RPN2: variants seen among roughly 807,000 people sequenced by gnomAD.
The protein encoded by RPN2 is dolichyl-diphosphooligosaccharide--protein glycosyltransferase subunit 2.
RPN2 carries 29 observed loss-of-function variants against 71.4 expected under a neutral mutation model. The ratio of observed to expected loss-of-function variants is 0.41; its 90% confidence interval spans 0.30 to 0.55. The LOEUF (loss-of-function observed/expected upper bound fraction) is 0.55, where lower values mean the gene tolerates loss of function less well. RPN2 is among the 20% of genes least tolerant of loss of function. RPN2 has a pLI of 0.35. For synonymous variants in RPN2, 308 were observed against 305.0 expected (o/e 1.01, Z -0.10); for missense variants, 726 against 774.1 (o/e 0.94, Z 0.74).
intron 2 of RPN2, among the ~76,000 whole-genome samples, chr20:37,187,048 T>A (rs1417553487): frequency 1.3e-5 from 2 of 152,256 alleles, no homozygotes; most frequent in Non-Finnish European, 2.9e-5. Flanking sequence ...TCACTTTTAG[T>A]GATGATGAAG....
intron 1 of RPN2, among the ~76,000 whole-genome samples, chr20:37,181,263 ACGGTGGTAT>A (rs2066868735): frequency 6.6e-6 from 1 of 151,420 alleles, no homozygotes; most frequent in South Asian, 2.1e-4. Flanking sequence ...GGCTTCCACT[ACGGTGGTAT>A]ACAAGGCCCT....
chr20:37,238,279 T>C, intron 16 of RPN2: 1 of 785,974 alleles, frequency 1.3e-6, no homozygotes, highest in Non-Finnish European at 2.2e-6. Context: ...TAGAATGAAC[T>C]CTACCCTGGA....
At chr20:37,222,998 T>G (rs878895774) in intron 9 of RPN2, among the ~76,000 whole-genome samples, 1 of 152,230 alleles carries the variant, frequency 6.6e-6, no homozygotes, top group Admixed American at 6.5e-5. Flanking sequence ...TGAGGGTTTA[T>G]TTTTTCCCCA....
At chr20:37,205,236 C>T (rs1278787998) in intron 6 of RPN2, among the ~76,000 whole-genome samples, 1 of 151,896 alleles carries the variant, frequency 6.6e-6, no homozygotes, top group Admixed American at 6.6e-5. Flanking sequence ...GAATGCTTTC[C>T]ACTCTGGTGG....
At chr20:37,224,026 T>C (rs2068020646) in intron 10 of RPN2, 57 bp downstream of exon 10, 19 of 1,452,322 alleles carry the variant, frequency 1.3e-5, no homozygotes, top group Non-Finnish European at 1.7e-5. Flanking sequence ...CTGAGAGGAG[T>C]ATGCCTAGGC....
In RPN2 at chr20:37,217,301, C is replaced by A. The variant is rs6104107; in HGVS notation, c.1092+3436C>A. On this transcript the variant is annotated intron_variant, in intron 9 of 16. Transcript: ENST00000237530. ...TATTATTATTATTATTATTATTATT[C>A]TTTTTTTTTTGAAACAGAGTCTCGC... Among the ~76,000 whole-genome samples, 930 of 130,782 alleles carry A rather than the reference C, an allele frequency of 7.1e-3. 8 individuals carry two copies. The highest frequency in any genetic ancestry group is 0.025 in the African/African-American group (863 of 34,406). The allele number at this position is 130,782 out of a possible 152,430, so 85.8% of individuals were successfully genotyped here.
In RPN2 at chr20:37,213,775, A is replaced by C; in HGVS notation, c.1002A>C (p.Leu334=). ...TTCTTAACAGGGATGTTTTTGAACT[A>C]AATTTCATGAACGTCAAATTTTCCA... ...SFTPVGDVFE[L]NFMNVKFSSG... is the part of the protein sequence containing the mutation. The change falls in exon 9 of 17, where the codon CTA becomes CTC. Residue 334 remains leucine, a synonymous_variant. Coordinates refer to ENST00000237530, the MANE Select transcript of RPN2 (RefSeq NM_002951.5). 6.2e-7 allele frequency: 1 copy of C among 1,613,872 alleles called. No individual in the cohort carries two copies. Among genetic ancestry groups the C allele is most frequent in the Admixed American group, 1.7e-5 (1 of 60,024 alleles).
chr20:37,206,149 T>C (rs528127019), intron 6 of RPN2, among the ~76,000 whole-genome samples: 41 of 152,370 alleles, frequency 2.7e-4, no homozygotes, highest in African/African-American at 9.6e-4. Flanking sequence ...GGGGAAAATG[T>C]TTCCTCCTAA....
At chr20:37,226,467 T>C (rs750606721) in intron 11 of RPN2, among the ~76,000 whole-genome samples, 12 of 152,152 alleles carry the variant, frequency 7.9e-5, no homozygotes, top group Admixed American at 3.3e-4. Flanking sequence ...GGAGGATCAC[T>C]TGAGCCCAGG....
At chr20:37,230,845 G>A (rs1477144848) in intron 13 of RPN2, among the ~76,000 whole-genome samples, 4 of 152,044 alleles carry the variant, frequency 2.6e-5, no homozygotes, top group Non-Finnish European at 5.9e-5. Flanking sequence ...ACTGGTAGGT[G>A]TAATTGTGAT....
chr20:37,198,486 A>G lies in RPN2; in HGVS notation c.297A>G (p.Gly99=). Residue 99 remains glycine (G), a synonymous_variant, in exon 3 of 17, where the codon GGA becomes GGG. Transcript: ENST00000237530. The stretch of plus-strand genomic sequence containing the variant: ...CCCAGGCCAGCCAGGCCCTCTCAGG[A>G]TGTGAGGTGAGTCCGGGTTCCTACG... ...YAAQASQALS[G]CEISISNETK... is the part of the protein sequence containing the mutation. The G allele has an allele frequency of 6.2e-7, 1 of 1,614,124 alleles. No homozygotes were observed. Among genetic ancestry groups the G allele is most frequent in the Non-Finnish European group, 8.5e-7 (1 of 1,180,020 alleles).
chr20:37,193,014 A>G (rs991487314), intron 2 of RPN2, among the ~76,000 whole-genome samples: 9 of 152,116 alleles, frequency 5.9e-5, no homozygotes, highest in East Asian at 1.9e-4. Context: ...TGTAGTCCCA[A>G]CTACTCAGGA....
intron 15 of RPN2, among the ~76,000 whole-genome samples, chr20:37,234,654 A>G (rs1270536683): frequency 6.7e-6 from 1 of 149,916 alleles, no homozygotes; most frequent in Non-Finnish European, 1.5e-5. Flanking sequence ...GGTGCCTTGC[A>G]TTTCACTGTG....
chr20:37,181,812 T>A (rs1443027036), intron 1 of RPN2, among the ~76,000 whole-genome samples: 1 of 152,214 alleles, frequency 6.6e-6, no homozygotes, highest in African/African-American at 2.4e-5. Context: ...TATTTCTTAG[T>A]CCTTCATAGA....
intron 5 of RPN2, 100 bp downstream of exon 5, chr20:37,204,060 A>G (rs2067456925): frequency 6.2e-6 from 5 of 803,096 alleles, no homozygotes; most frequent in African/African-American, 1.7e-5. Context: ...TACAGGTTAC[A>G]TTGCTTCTTA....
chr20:37,194,255 A>ATTGTTG lies in RPN2; in HGVS notation c.208-4121_208-4116dup, dbSNP rs71843863. On this transcript the variant is annotated intron_variant, in intron 2 of 16. Transcript: ENST00000237530. ...GGAGGGGAGAGAAGGGTTGAGGGAAATTGTTGTTGTTGTTGTTGTTGTTGT... is the reference window on the plus strand; with the variant it reads ...GGAGGGGAGAGAAGGGTTGAGGGAAATTGTTGTTGTTGTTGTTGTTGTTGTTGTTGT... Among the ~76,000 whole-genome samples, 4 of 150,198 alleles carry ATTGTTG rather than the reference A, an allele frequency of 2.7e-5. No homozygotes were observed. The East Asian group carries it at 5.9e-4, about 22-fold the overall frequency.
chr20:37,234,455 G>C (rs954131889), intron 15 of RPN2, among the ~76,000 whole-genome samples: 4 of 152,112 alleles, frequency 2.6e-5, no homozygotes, highest in East Asian at 1.9e-4. Context: ...CTTTCCCCAC[G>C]CTATCGATCT....
At position 37,207,464 on chromosome 20, in the gene RPN2, C is replaced by G; in HGVS notation, c.867+15C>G. The G allele has an allele frequency of 6.2e-7, 1 of 1,612,796 alleles. No individual in the cohort carries two copies. Among genetic ancestry groups the G allele is most frequent in the Non-Finnish European group, 8.5e-7 (1 of 1,178,836 alleles). Reference sequence around the variant, plus strand: ...CTATCTTGCGGGTAAGACATCCATGCCCAAAGTGTGCCCCTCTGATTATCA... The same window carrying G: ...CTATCTTGCGGGTAAGACATCCATGGCCAAAGTGTGCCCCTCTGATTATCA... On this transcript the variant is annotated intron_variant, in intron 7 of 16. Transcript: ENST00000237530.
At chr20:37,180,238 G>A (rs2066825436) in intron 1 of RPN2, among the ~76,000 whole-genome samples, 2 of 152,216 alleles carry the variant, frequency 1.3e-5, no homozygotes, top group Non-Finnish European at 2.9e-5. Context: ...TTCATTATTT[G>A]AGAAGTTCAG....
Sources: allele counts gnomAD v4.1 joint callset (sites outside exome capture counted in the v4.1 genomes callset), GRCh38; gene constraint gnomAD v4.1.1; transcripts MANE v1.5; gene names NCBI Gene and HGNC (gene_info 2026-07-23, HGNC 2026-07-21).